The following KIAA1217 variants were observed in gnomAD, a reference collection of about 807,000 sequenced individuals.
KIAA1217 encodes KIAA1217.
In KIAA1217, 88 loss-of-function variants were observed where a neutral mutation model predicts 163.9. The ratio of observed to expected loss-of-function variants is 0.54; its 90% CI spans 0.45 to 0.64. The LOEUF (loss-of-function observed/expected upper bound fraction) is 0.64. KIAA1217 is among the 30% of genes least tolerant of loss of function. KIAA1217 has a pLI of 0.00. For synonymous variants in KIAA1217, 903 were observed against 923.1 expected, an observed-to-expected ratio of 0.98 and a Z score of 0.39; for missense variants, 2,372 against 2,475.0, an observed-to-expected ratio of 0.96 and a Z score of 0.88.
At chr10:23,862,897 T>C (rs11013758) in intron 1 of KIAA1217, among the ~76,000 whole-genome samples, 1,934 of 152,306 alleles carry the variant, frequency 0.013, 58 homozygotes, top group African/African-American at 0.044. Context: ...TACCATTTCT[T>C]CTTCTTTATT....
At chr10:23,760,093 A>G (rs949344592) in intron 1 of KIAA1217, among the ~76,000 whole-genome samples, 1 of 152,160 alleles carries the variant, frequency 6.6e-6, no homozygotes, top group Non-Finnish European at 1.5e-5. Flanking sequence ...GTTTTAACTC[A>G]GTGCCTAGAC....
intron 1 of KIAA1217, among the ~76,000 whole-genome samples, chr10:23,908,840 T>C (rs1034247874): frequency 6.6e-6 from 1 of 152,140 alleles, no homozygotes; most frequent in Non-Finnish European, 1.5e-5. Context: ...CTTAAAGAAC[T>C]AAAAGTGGAG....
chr10:24,021,065 A>C (rs1253483826), intron 2 of KIAA1217, among the ~76,000 whole-genome samples: 1 of 152,038 alleles, frequency 6.6e-6, no homozygotes, highest in Admixed American at 6.6e-5. Flanking sequence ...TACTGAAATT[A>C]TGTTTAAAGA....
chr10:24,538,124 A>T (rs1177117622), intron 17 of KIAA1217, among the ~76,000 whole-genome samples: 2 of 152,220 alleles, frequency 1.3e-5, no homozygotes, highest in African/African-American at 4.8e-5. Context: ...CAGTCCATGT[A>T]CGACAGCTCA....
intron 1 of KIAA1217, among the ~76,000 whole-genome samples, chr10:23,829,429 A>G (rs1182879572): frequency 6.6e-6 from 1 of 152,156 alleles, no homozygotes; most frequent in African/African-American, 2.4e-5. Context: ...TTTGGTGAAA[A>G]CTTACAGTTC....
intron 2 of KIAA1217, among the ~76,000 whole-genome samples, chr10:24,176,159 A>G (rs558040094): frequency 1.3e-5 from 2 of 152,290 alleles, no homozygotes; most frequent in South Asian, 4.2e-4. Flanking sequence ...TGGTGCTTTT[A>G]CAATCTCTGA....
At chr10:24,536,488 C>G (rs562704784) in intron 16 of KIAA1217, among the ~76,000 whole-genome samples, 1 of 152,074 alleles carries the variant, frequency 6.6e-6, no homozygotes, top group Non-Finnish European at 1.5e-5. Context: ...CTCCTAAGTA[C>G]CAATTTATGT....
At chr10:23,991,391 T>C (rs1324603725) in intron 1 of KIAA1217, among the ~76,000 whole-genome samples, 1 of 152,168 alleles carries the variant, frequency 6.6e-6, no homozygotes, top group Non-Finnish European at 1.5e-5. Flanking sequence ...CTGAGTTAAG[T>C]GGTTAGTGGG....
chr10:24,015,627 G>T (rs1847444635), intron 2 of KIAA1217, among the ~76,000 whole-genome samples: 1 of 151,750 alleles, frequency 6.6e-6, no homozygotes, highest in South Asian at 2.1e-4. Context: ...ATGGTGGTGG[G>T]TGCCTGTAGT....
chr10:23,810,692 A>G (rs1193646669), intron 1 of KIAA1217, among the ~76,000 whole-genome samples: 3 of 127,938 alleles, frequency 2.3e-5, no homozygotes, highest in Admixed American at 8.5e-5. Flanking sequence ...TATATATAGT[A>G]TACTATATTA....
chr10:23,719,928 CTA>C (rs1837777737), intron 1 of KIAA1217, among the ~76,000 whole-genome samples: 1 of 151,786 alleles, frequency 6.6e-6, no homozygotes, highest in African/African-American at 2.4e-5. Context: ...AACAAAAAGG[CTA>C]TATAGTGTAT....
chr10:23,956,170 G>A (rs189460042), intron 1 of KIAA1217, among the ~76,000 whole-genome samples: 1 of 152,206 alleles, frequency 6.6e-6, no homozygotes, highest in East Asian at 1.9e-4. Context: ...CTCTCTAATG[G>A]CCTTCTTTTA....
intron 2 of KIAA1217, among the ~76,000 whole-genome samples, chr10:24,122,039 C>T (rs1335424517): frequency 6.6e-6 from 1 of 151,964 alleles, no homozygotes; most frequent in Non-Finnish European, 1.5e-5. Context: ...TGAGAGGGTA[C>T]ATGTGCATGT....
chr10:24,529,243 C>A (rs1331434386), intron 14 of KIAA1217, among the ~76,000 whole-genome samples: 2 of 152,168 alleles, frequency 1.3e-5, no homozygotes, highest in African/African-American at 4.8e-5. Context: ...AATCTGAGGA[C>A]GTTCCAGTTC....
At chr10:24,149,276 T>C (rs374450783) in intron 2 of KIAA1217, among the ~76,000 whole-genome samples, 3 of 152,244 alleles carry the variant, frequency 2.0e-5, no homozygotes, top group Middle Eastern at 3.4e-3. Flanking sequence ...GCCTCCTGGG[T>C]TTAAGCAATT....
chr10:23,903,407 T>C (rs539011346), intron 1 of KIAA1217, among the ~76,000 whole-genome samples: 148 of 152,184 alleles, frequency 9.7e-4, no homozygotes, highest in African/African-American at 3.4e-3. Context: ...ATCATACCTA[T>C]TTAACCAAAG....
chr10:24,542,585 G>A lies in KIAA1217; in HGVS notation c.3535-108G>A, dbSNP rs568110403. The A allele has an allele frequency of 4.0e-5, 62 of 1,554,628 alleles. No individual in the cohort carries two copies. The East Asian group carries it at 4.4e-4, about 11-fold the overall frequency. On this transcript the variant is annotated intron_variant, in intron 17 of 20. Transcript: ENST00000376454. ...TTGGATTGGTGTGTAAGAAATATGC[G>A]TGGCCCGCATGTCTTAGAAATGTAA...
At chr10:24,059,434 A>C (rs1454387375) in intron 2 of KIAA1217, among the ~76,000 whole-genome samples, 1 of 152,084 alleles carries the variant, frequency 6.6e-6, no homozygotes, top group Non-Finnish European at 1.5e-5. Flanking sequence ...GTTTTTTGGA[A>C]GTGTTTGAGG....
At chr10:24,182,633 A>C (rs978903808) in intron 2 of KIAA1217, among the ~76,000 whole-genome samples, 1 of 152,158 alleles carries the variant, frequency 6.6e-6, no homozygotes, top group Admixed American at 6.6e-5. Flanking sequence ...TATGTTCTTT[A>C]AAGTTAATCT....
Sources: gnomAD v4.1 joint callset for allele counts (sites outside exome capture counted in the v4.1 genomes callset) on GRCh38, gnomAD v4.1.1 for gene constraint, MANE v1.5 for transcripts, NCBI Gene and HGNC (gene_info 2026-07-23, HGNC 2026-07-21) for gene names.